Variants in ZNF695 observed in about 807,000 individuals in gnomAD.
ZNF695 encodes the protein zinc finger protein 695.
ZNF695 carries 11 observed loss-of-function variants against 11.2 expected under a neutral mutation model. The ratio of observed to expected loss-of-function variants is 0.98; its 90% CI spans 0.62 to 1.62. The LOEUF is 1.62. Among genes scored for constraint, ZNF695 ranks in the 40% most tolerant of loss-of-function variants. The pLI is 0.00. For synonymous variants in ZNF695, 190 were observed against 201.4 expected, an observed-to-expected ratio of 0.94 and a Z score of 0.48; for missense variants, 559 against 590.5, an observed-to-expected ratio of 0.95 and a Z score of 0.55.
rs1288312236 is a variant in ZNF695, at chr1:246,986,950, G to C, written c.*17C>G. 6.5e-7 allele frequency: 1 copy of C among 1,548,026 alleles called. No homozygotes were observed. Among genetic ancestry groups the C allele is most frequent in the Non-Finnish European group, 8.7e-7 (1 of 1,153,526 alleles). The stretch of plus-strand genomic sequence containing the variant: ...ATTAAAGACTATGCCATATTGTTTA[G>C]AATTGTAGGGTTTTTCTCAGGTATG... On this transcript the variant is annotated 3_prime_UTR_variant, in exon 4 of 4. Coordinates refer to ENST00000339986, the MANE Select transcript of ZNF695 (RefSeq NM_020394.5).
intron 3 of ZNF695, among the ~76,000 whole-genome samples, chr1:246,992,151 G>A (rs1050311270): frequency 1.2e-4 from 18 of 148,746 alleles, no homozygotes; most frequent in Non-Finnish European, 2.1e-4. Context: ...GTGACAGAGC[G>A]AGACTCTGTC....
At chr1:246,955,235 C>G (rs961710695) in intron 5 of ZNF695, among the ~76,000 whole-genome samples, 1 of 152,168 alleles carries the variant, frequency 6.6e-6, no homozygotes, top group African/African-American at 2.4e-5. Flanking sequence ...TTGGGTATTT[C>G]TTCATAGCAG....
intron 5 of ZNF695, among the ~76,000 whole-genome samples, chr1:246,957,483 T>C (rs1466790864): frequency 6.6e-6 from 1 of 152,106 alleles, no homozygotes; most frequent in Non-Finnish European, 1.5e-5. Flanking sequence ...CTAATTATGG[T>C]TAATTTGGGT....
At chr1:246,955,725 T>C (rs1365971730) in intron 5 of ZNF695, among the ~76,000 whole-genome samples, 3 of 152,224 alleles carry the variant, frequency 2.0e-5, no homozygotes, top group Non-Finnish European at 4.4e-5. Flanking sequence ...TGTTAACTTT[T>C]CAAAGTCCGT....
At chr1:246,958,868 G>GT (rs1204120891) in intron 5 of ZNF695, among the ~76,000 whole-genome samples, 4 of 152,150 alleles carry the variant, frequency 2.6e-5, no homozygotes, top group African/African-American at 9.6e-5. Flanking sequence ...TTTGCTATTG[G>GT]TTTAAGAAAG....
intron 3 of ZNF695, among the ~76,000 whole-genome samples, chr1:246,998,584 T>A (rs1376861350): frequency 1.3e-5 from 2 of 152,228 alleles, no homozygotes; most frequent in African/African-American, 4.8e-5. Flanking sequence ...AAAATATACA[T>A]CCGTTTGTGG....
rs549361727 is a variant in ZNF695 at position 246,993,431 on chromosome 1, C to A, written c.260-5176G>T. On this transcript the variant is annotated intron_variant, in intron 3 of 3. Coordinates refer to ENST00000339986, the MANE Select transcript of ZNF695 (RefSeq NM_020394.5). ...CTCAAAAAACAAACAAACAAACAAA[C>A]AAAAAAAAACACCATTCCAGAGAAG... Among the ~76,000 whole-genome samples the A allele has an allele frequency of 9.4e-3, 1,409 of 149,518 alleles. 19 individuals are homozygous for A. The highest frequency in any genetic ancestry group is 0.021 in the African/African-American group (866 of 40,564).
chr1:246,950,292 TA>T (rs1173870248), intron 5 of ZNF695, among the ~76,000 whole-genome samples: 2 of 152,200 alleles, frequency 1.3e-5, no homozygotes, highest in Non-Finnish European at 2.9e-5. Flanking sequence ...TCAAATGGTT[TA>T]AAAATAATTA....
In ZNF695 at chr1:246,973,673, G is replaced by A. The variant is rs143655732; in HGVS notation, c.391-5881C>T. Among the ~76,000 whole-genome samples, 304 of 152,244 alleles carry A rather than the reference G, an allele frequency of 2.0e-3. 1 individual carries two copies. The highest frequency in any genetic ancestry group is 7.0e-3 in the African/African-American group (292 of 41,540). ...AATTACAGGCATTTTGCCCAGATTC[G>A]TACACAATTATCTTGTTTAAGCCTC... On this transcript the variant is annotated intron_variant, in intron 4 of 5. Coordinates refer to the ZNF695 transcript ENST00000487338.
At chr1:246,964,407 C>T (rs1668236931) in intron 5 of ZNF695, among the ~76,000 whole-genome samples, 1 of 152,104 alleles carries the variant, frequency 6.6e-6, no homozygotes, top group Non-Finnish European at 1.5e-5. Context: ...TCCAAGTGAT[C>T]AGGATCTCTG....
At chr1:247,004,047 T>C (rs1669466903) in intron 1 of ZNF695, among the ~76,000 whole-genome samples, 1 of 152,176 alleles carries the variant, frequency 6.6e-6, no homozygotes, top group Non-Finnish European at 1.5e-5. Context: ...ACCCTGTCTC[T>C]ACTAAAATAC....
intron 1 of ZNF695, among the ~76,000 whole-genome samples, chr1:247,004,583 C>A (rs915087150): frequency 6.6e-6 from 1 of 152,134 alleles, no homozygotes; most frequent in African/African-American, 2.4e-5. Context: ...TAAGTCCTAA[C>A]TAGAACAGAC....
chr1:246,991,159 CA>C (rs1181073266), intron 3 of ZNF695, among the ~76,000 whole-genome samples: 1 of 151,692 alleles, frequency 6.6e-6, no homozygotes, highest in Admixed American at 6.6e-5. Context: ...ATCAATGAAA[CA>C]AAAAATTAGT....
At chr1:246,970,356 CT>C (rs1668395291) in intron 4 of ZNF695, among the ~76,000 whole-genome samples, 1 of 152,104 alleles carries the variant, frequency 6.6e-6, no homozygotes, top group Admixed American at 6.5e-5. Flanking sequence ...CACTCCAGTT[CT>C]TTGTCTGCAG....
intron 1 of ZNF695, among the ~76,000 whole-genome samples, chr1:247,002,673 C>A (rs535625649): frequency 5.1e-4 from 78 of 152,180 alleles, no homozygotes; most frequent in African/African-American, 1.8e-3. Context: ...GTGATCCCAG[C>A]TTGGGAAGCT....
intron 4 of ZNF695, among the ~76,000 whole-genome samples, chr1:246,973,045 C>CATAT (rs35647542): frequency 0.011 from 1,614 of 145,722 alleles, 25 homozygotes; most frequent in African/African-American, 0.032. Flanking sequence ...ACACTAAGAA[C>CATAT]ATATATATAT....
In ZNF695 at chr1:246,987,343, C is replaced by T. The variant is rs200937626; in HGVS notation, c.1172G>A (p.Trp391Ter). The part of the protein sequence containing the change: ...KCEECGKAFT[W>*]FSYLIQHKRI... ...CTTATGCTGAATAAGGTATGAGAAC[C>T]AGGTAAAAGCTTTGCCACATTCCTC... is the stretch of plus-strand genomic sequence containing the variant. The change falls in exon 4 of 4, where the codon TGG becomes TAG. Residue 391 changes from tryptophan (W) to a stop codon, truncating the protein, a stop_gained. Coordinates refer to ENST00000339986, the MANE Select transcript of ZNF695 (RefSeq NM_020394.5). LOFTEE classifies it low-confidence loss of function (END_TRUNC). 7.7e-5 allele frequency: 124 copies of T among 1,610,334 alleles called. 1 individual carries two copies. In the East Asian group the frequency reaches 2.6e-3, roughly 33 times the overall value.
rs190473495 is a variant in ZNF695, at chr1:246,995,381, T to A, written c.259+3967A>T. On this transcript the variant is annotated intron_variant, in intron 3 of 3. Coordinates refer to ENST00000339986, the MANE Select transcript of ZNF695 (RefSeq NM_020394.5). The stretch of plus-strand genomic sequence containing the variant: ...AGATGTTCATATCACCCAAGTGACC[T>A]ACAGATTCAGTGCAATCCTCTCAAG... 2.0e-5 allele frequency among the ~76,000 whole-genome samples: 3 copies of A among 152,312 alleles called. No homozygotes were observed. In the East Asian group the frequency reaches 5.8e-4, roughly 29 times the overall value.
intron 4 of ZNF695, among the ~76,000 whole-genome samples, chr1:246,977,303 C>G (rs1419880331): frequency 6.6e-6 from 1 of 152,230 alleles, no homozygotes; most frequent in Non-Finnish European, 1.5e-5. Context: ...GTCGCCCAGG[C>G]TGGAGTGCAG....
Sources: allele counts gnomAD v4.1 joint callset (sites outside exome capture counted in the v4.1 genomes callset), GRCh38; gene constraint gnomAD v4.1.1; transcripts MANE v1.5; gene names NCBI Gene and HGNC (gene_info 2026-07-23, HGNC 2026-07-21).